Variants in WDR72 observed in about 807,000 individuals in gnomAD.
The protein encoded by WDR72 is WD repeat domain 72.
WDR72 carries 120 observed loss-of-function variants against 124.2 expected under a neutral mutation model. The observed-to-expected ratio is 0.97, with a 90% CI of 0.83 to 1.12. The LOEUF is 1.12. WDR72 is among the 50% of genes most tolerant of loss of function. The pLI, the probability that WDR72 is intolerant of heterozygous loss-of-function variation, is 0.00. For missense variants in WDR72, 1,387 were observed against 1,278.8 expected, an observed-to-expected ratio of 1.08 and a Z score of -1.29; for synonymous variants, 452 against 441.7, an observed-to-expected ratio of 1.02 and a Z score of -0.29.
chr15:53,650,052 C>T (rs568754774), intron 14 of WDR72, among the ~76,000 whole-genome samples: 2 of 152,084 alleles, frequency 1.3e-5, no homozygotes, highest in Non-Finnish European at 2.9e-5. Flanking sequence ...AGTTCATTAG[C>T]AGATGAATGG....
In WDR72 at chr15:53,615,967, T is replaced by C. The variant is rs773294497; in HGVS notation, c.2239A>G (p.Thr747Ala). ...LSAEALAKPI[T>A]ESLAQGDNTI... ...TTATCTCCTTGGGCCAGGCTTTCAG[T>C]AATAGGCTTGGCTAGTGCCTCTGCT... The change falls in exon 15 of 20, where the codon ACT becomes GCT. Residue 747 changes from threonine to alanine, a missense_variant. Thr to Ala is a moderately conservative substitution (Grantham distance 58). Coordinates refer to ENST00000360509, the MANE Select transcript of WDR72 (RefSeq NM_182758.4). 9 of 1,613,372 alleles carry C rather than the reference T, an allele frequency of 5.6e-6. No individual in the cohort carries two copies. Among genetic ancestry groups the C allele is most frequent in the South Asian group, 1.1e-5 (1 of 91,074 alleles).
intron 2 of WDR72, among the ~76,000 whole-genome samples, chr15:53,723,818 G>C (rs926966103): frequency 2.6e-5 from 4 of 152,042 alleles, no homozygotes; most frequent in Non-Finnish European, 5.9e-5. Context: ...ATTTTTTAGG[G>C]AATAATGACA....
chr15:53,582,046 A>G (rs532777604), intron 18 of WDR72, among the ~76,000 whole-genome samples: 1 of 152,028 alleles, frequency 6.6e-6, no homozygotes, highest in South Asian at 2.1e-4. Flanking sequence ...TAATATATAA[A>G]ATGACTTATG....
chr15:53,738,380 A>G (rs2018414275), intron 1 of WDR72, among the ~76,000 whole-genome samples: 1 of 152,142 alleles, frequency 6.6e-6, no homozygotes, highest in African/African-American at 2.4e-5. Context: ...TACAAATGAA[A>G]CCCAGGTTTT....
intron 14 of WDR72, among the ~76,000 whole-genome samples, chr15:53,649,213 T>G (rs2015146417): frequency 6.6e-6 from 1 of 152,008 alleles, no homozygotes; most frequent in Non-Finnish European, 1.5e-5. Flanking sequence ...AAACACTCAT[T>G]TACTGATGCG....
intron 14 of WDR72, among the ~76,000 whole-genome samples, chr15:53,657,186 C>A (rs1414643832): frequency 7.2e-6 from 1 of 138,856 alleles, no homozygotes; most frequent in African/African-American, 2.7e-5. Flanking sequence ...ATCACTTGAA[C>A]CTGGGAGGCA....
At chr15:53,549,709 C>T (rs928859746) in intron 18 of WDR72, among the ~76,000 whole-genome samples, 3 of 152,140 alleles carry the variant, frequency 2.0e-5, no homozygotes, top group East Asian at 1.9e-4. Context: ...CCTAAGGTCA[C>T]GTAGGCTTTG....
chr15:53,517,893 AAAGAAAGG>A, intron 19 of WDR72, 139 bp from the exon 20 acceptor site: 1 of 802,804 alleles, frequency 1.2e-6, no homozygotes, highest in East Asian at 2.6e-5. Flanking sequence ...GGAAAAAAAG[AAAGAAAGG>A]AAGAAAGGTA....
intron 1 of WDR72, among the ~76,000 whole-genome samples, chr15:53,748,663 C>A (rs1470445316): frequency 6.6e-6 from 1 of 152,088 alleles, no homozygotes; most frequent in African/African-American, 2.4e-5. Context: ...CCAAGAAAAT[C>A]AAGTCTCTCA....
At chr15:53,532,702 G>T (rs1892549913) in intron 18 of WDR72, among the ~76,000 whole-genome samples, 1 of 151,774 alleles carries the variant, frequency 6.6e-6, no homozygotes, top group Non-Finnish European at 1.5e-5. Flanking sequence ...TAAGATAGAA[G>T]GAATAAGATC....
At chr15:53,701,559 T>TCTCTCTCTCACACA (rs369568228) in intron 12 of WDR72, among the ~76,000 whole-genome samples, 73 of 120,166 alleles carry the variant, frequency 6.1e-4, no homozygotes, top group African/African-American at 9.8e-4. Context: ...TCTCTCTCTC[T>TCTCTCTCTCACACA]CACACACACA....
At chr15:53,523,014 G>A (rs1891885320) in intron 19 of WDR72, among the ~76,000 whole-genome samples, 1 of 151,902 alleles carries the variant, frequency 6.6e-6, no homozygotes, top group South Asian at 2.1e-4. Flanking sequence ...TAAAGCCTTT[G>A]TACTTCCTCC....
chr15:53,572,606 A>G (rs1194068327), intron 18 of WDR72, among the ~76,000 whole-genome samples: 10 of 152,210 alleles, frequency 6.6e-5, no homozygotes, highest in Non-Finnish European at 1.2e-4. Context: ...AAATGAAAAA[A>G]AATTTCTTTG....
intron 1 of WDR72, among the ~76,000 whole-genome samples, chr15:53,741,467 G>A (rs1045767422): frequency 2.6e-5 from 4 of 152,038 alleles, no homozygotes; most frequent in Admixed American, 1.3e-4. Context: ...ATTTATAACC[G>A]TTATTACCAC....
At chr15:53,567,003 A>C (rs1464743072) in intron 18 of WDR72, among the ~76,000 whole-genome samples, 1 of 151,900 alleles carries the variant, frequency 6.6e-6, no homozygotes, top group Non-Finnish European at 1.5e-5. Flanking sequence ...TGTCAAATTG[A>C]GGATTTAAAG....
intron 1 of WDR72, 27 bp from the exon 2 acceptor site, chr15:53,733,188 T>C (rs771907754): frequency 1.4e-5 from 23 of 1,612,004 alleles, no homozygotes; most frequent in Admixed American, 1.3e-4. Context: ...GGAAGAAGCA[T>C]ACATGGTCAT....
intron 13 of WDR72, among the ~76,000 whole-genome samples, chr15:53,683,487 T>C (rs1316701808): frequency 6.6e-6 from 1 of 152,126 alleles, no homozygotes; most frequent in Admixed American, 6.6e-5. Context: ...CATACAAAAT[T>C]TTTTAAAATA....
chr15:53,619,418 T>C lies in WDR72; in HGVS notation c.1963-3175A>G, dbSNP rs575031065. On this transcript the variant is annotated intron_variant, in intron 14 of 19. Coordinates refer to ENST00000360509, the MANE Select transcript of WDR72 (RefSeq NM_182758.4). ...CAAATAGGGCCCTCTTTAAACAAAA[T>C]TTTCAGCTTCAAAAGTTTTCATTCC... 3.5e-4 allele frequency among the ~76,000 whole-genome samples: 53 copies of C among 152,052 alleles called. No individual in the cohort carries two copies. In the South Asian group the frequency reaches 0.011, roughly 32 times the overall value.
rs546421864 is a variant in WDR72 at position 53,704,644 on chromosome 15, G to A, written c.1348+344C>T. On this transcript the variant is annotated intron_variant, in intron 11 of 19. Coordinates refer to ENST00000360509, the MANE Select transcript of WDR72 (RefSeq NM_182758.4). Reference sequence around the variant, plus strand: ...AGGTTCACGCCATTCTCCTGCCTCAGCCTCCCAAGTAGCTGGGACTACAGG... The same window carrying A: ...AGGTTCACGCCATTCTCCTGCCTCAACCTCCCAAGTAGCTGGGACTACAGG... Among the ~76,000 whole-genome samples the A allele has an allele frequency of 6.7e-5, 10 of 149,760 alleles. No individual in the cohort carries two copies. The South Asian group carries it at 2.1e-3, about 32-fold the overall frequency.
Sources: allele counts gnomAD v4.1 joint callset (sites outside exome capture counted in the v4.1 genomes callset), GRCh38; gene constraint gnomAD v4.1.1; transcripts MANE v1.5; gene names NCBI Gene and HGNC (gene_info 2026-07-23, HGNC 2026-07-21).